The following ANKRD30B variants were observed in gnomAD, a reference collection of about 807,000 sequenced individuals.
ANKRD30B encodes the protein ankyrin repeat domain 30B, also known as ankyrin repeat domain-containing protein 30B.
Under a neutral mutation model 202.2 loss-of-function variants are expected in ANKRD30B, and 144 were observed. That is an observed-to-expected ratio of 0.71 (90% CI 0.62 to 0.82). The LOEUF (loss-of-function observed/expected upper bound fraction) is 0.82. Among genes scored for constraint, ANKRD30B ranks in the 40% least tolerant of loss-of-function variants. The probability of loss-of-function intolerance (pLI) is 0.00; values close to 1 mark genes in which losing one functional copy is unlikely to be tolerated. For synonymous variants in ANKRD30B, 508 were observed against 561.3 expected (o/e 0.91, Z 1.34); for missense variants, 1,487 against 1,669.1 (o/e 0.89, Z 1.90).
intron 12 of ANKRD30B, among the ~76,000 whole-genome samples, chr18:14,783,073 T>C (rs149034770): frequency 0.014 from 2,205 of 152,268 alleles, 59 homozygotes; most frequent in African/African-American, 0.051. Context: ...CTAAAGTTTT[T>C]TCACTTTTCC....
chr18:14,901,440 C>G, the ANKRD30B span, among the ~76,000 whole-genome samples: 1 of 152,142 alleles, frequency 6.6e-6, no homozygotes, highest in African/African-American at 2.4e-5. Flanking sequence ...TCAAGTAGAA[C>G]AAAATTAATT....
At chr18:14,783,574 A>C (rs1967886556) in intron 12 of ANKRD30B, among the ~76,000 whole-genome samples, 2 of 152,176 alleles carry the variant, frequency 1.3e-5, no homozygotes, top group East Asian at 1.9e-4. Flanking sequence ...GAACTAAAAA[A>C]ATACTGAATT....
intron 4 of ANKRD30B, among the ~76,000 whole-genome samples, chr18:14,756,972 AGTT>A (rs1293847416): frequency 6.6e-6 from 1 of 152,222 alleles, no homozygotes; most frequent in Non-Finnish European, 1.5e-5. Context: ...GCTTTAATAA[AGTT>A]GTTTTCTTTG....
intron 14 of ANKRD30B, among the ~76,000 whole-genome samples, chr18:14,786,633 A>C (rs1358927469): frequency 1.3e-5 from 2 of 152,202 alleles, no homozygotes; most frequent in Admixed American, 6.5e-5. Context: ...AGAGCTGTGT[A>C]ATAGAGATTG....
chr18:14,892,807 A>G, the ANKRD30B span, among the ~76,000 whole-genome samples: 1 of 150,746 alleles, frequency 6.6e-6, no homozygotes, highest in South Asian at 2.1e-4. Flanking sequence ...AATTCTAGCT[A>G]CTTGAGAGGC....
At chr18:14,805,757 T>A (rs1014235671) in intron 24 of ANKRD30B, among the ~76,000 whole-genome samples, 33 of 150,824 alleles carry the variant, frequency 2.2e-4, no homozygotes, top group Non-Finnish European at 3.4e-4. Flanking sequence ...TTTCTCAGTG[T>A]CATGATTTGC....
the ANKRD30B span, among the ~76,000 whole-genome samples, chr18:14,897,533 TA>T: frequency 6.6e-6 from 1 of 151,948 alleles, no homozygotes; most frequent in East Asian, 1.9e-4. Flanking sequence ...TGTTACAAAG[TA>T]AAAAAAATCA....
At chr18:14,844,559 T>C (rs1971553156) in intron 39 of ANKRD30B, among the ~76,000 whole-genome samples, 1 of 152,214 alleles carries the variant, frequency 6.6e-6, no homozygotes, top group South Asian at 2.1e-4. Context: ...TGCGTGTGTC[T>C]TTATAGTAGC....
intron 32 of ANKRD30B, among the ~76,000 whole-genome samples, chr18:14,826,562 A>AT (rs1436258157): frequency 1.3e-5 from 2 of 151,948 alleles, no homozygotes; most frequent in Admixed American, 1.3e-4. Flanking sequence ...ACATGCCAGC[A>AT]TTTTTCCAGA....
chr18:14,849,226 A>G (rs1971784525), intron 40 of ANKRD30B, among the ~76,000 whole-genome samples: 2 of 151,926 alleles, frequency 1.3e-5, no homozygotes, highest in Non-Finnish European at 1.5e-5. Flanking sequence ...TATAAATGCT[A>G]CAAGACATAA....
the ANKRD30B span, among the ~76,000 whole-genome samples, chr18:14,878,913 A>T: frequency 2.6e-5 from 4 of 152,254 alleles, no homozygotes; most frequent in South Asian, 8.3e-4. Context: ...TTCATCAGCT[A>T]CCCAGTCACC....
At chr18:14,881,312 C>G in the ANKRD30B span, among the ~76,000 whole-genome samples, 1 of 152,072 alleles carries the variant, frequency 6.6e-6, no homozygotes, top group Admixed American at 6.6e-5. Context: ...TAGATTTTGT[C>G]AAATGCTTTT....
In ANKRD30B at chr18:14,778,777, C is replaced by T. The variant is rs189237558; in HGVS notation, c.1420+702C>T. 2.6e-3 allele frequency among the ~76,000 whole-genome samples: 391 copies of T among 152,178 alleles called. 1 individual carries two copies. Among genetic ancestry groups the T allele is most frequent in the African/African-American group, 8.7e-3 (363 of 41,502 alleles). ...CTCAAGTGATGCTGATGCTGGTGGT[C>T]CTTGGACCTCACTCTTAAGTAGCAA... On this transcript the variant is annotated intron_variant, in intron 10 of 43. Coordinates refer to ENST00000690538, the MANE Select transcript of ANKRD30B (RefSeq NM_001367607.2).
At chr18:14,831,224 A>AT (rs1175113999) in intron 33 of ANKRD30B, among the ~76,000 whole-genome samples, 159 bp from the exon 34 acceptor site, 1 of 147,332 alleles carries the variant, frequency 6.8e-6, no homozygotes, top group Non-Finnish European at 1.5e-5. Flanking sequence ...GCATATTTTA[A>AT]TTATGCCAAG....
At chr18:14,856,523 C>T (rs1482225477), downstream of ANKRD30B, among the ~76,000 whole-genome samples, 12 of 133,454 alleles carry the variant, frequency 9.0e-5, no homozygotes, top group South Asian at 2.4e-4. Flanking sequence ...TGCTCCTCAC[C>T]TCCCAGATGA....
At chr18:14,795,886 G>T in intron 16 of ANKRD30B, among the ~76,000 whole-genome samples, 1 of 149,732 alleles carries the variant, frequency 6.7e-6, no homozygotes, top group African/African-American at 2.5e-5. Context: ...GTCATGACTT[G>T]GTCATCTTAG....
At chr18:14,806,172 A>T (rs1969499799) in intron 24 of ANKRD30B, among the ~76,000 whole-genome samples, 1 of 149,514 alleles carries the variant, frequency 6.7e-6, no homozygotes, top group South Asian at 2.2e-4. Flanking sequence ...GTCAGCCCAG[A>T]TCTCAACACT....
chr18:14,895,252 A>G, the ANKRD30B span, among the ~76,000 whole-genome samples: 1 of 151,264 alleles, frequency 6.6e-6, no homozygotes, highest in Non-Finnish European at 1.5e-5. Flanking sequence ...CCAGGTAAAG[A>G]CCTGCACATG....
At chr18:14,837,718 C>T (rs1274119523) in intron 36 of ANKRD30B, 42 bp downstream of exon 36, 2 of 1,459,622 alleles carry the variant, frequency 1.4e-6, no homozygotes, top group East Asian at 2.5e-5. Flanking sequence ...AACTTAAGTA[C>T]TCAGTAATCT....
Sources: allele counts gnomAD v4.1 joint callset (sites outside exome capture counted in the v4.1 genomes callset), GRCh38; gene constraint gnomAD v4.1.1; transcripts MANE v1.5; gene names NCBI Gene and HGNC (gene_info 2026-07-23, HGNC 2026-07-21).